Variants in DNAH14 observed in about 807,000 individuals in gnomAD.
DNAH14 encodes the protein dynein axonemal heavy chain 14, also known as axonemal beta dynein heavy chain 14.
Under a neutral mutation model 520.9 loss-of-function variants are expected in DNAH14, and 478 were observed. The observed-to-expected ratio is 0.92, with a 90% CI of 0.85 to 0.99. The LOEUF (loss-of-function observed/expected upper bound fraction) is 0.99, where lower values mean the gene tolerates loss of function less well. Among genes scored for constraint, DNAH14 ranks in the 50% least tolerant of loss-of-function variants. DNAH14 has a pLI of 0.00. For missense variants in DNAH14, 4,831 were observed against 5,234.5 expected (o/e 0.92, Z 2.38); for synonymous variants, 1,581 against 1,757.2 (o/e 0.90, Z 2.51).
chr1:225,171,735 A>G (rs912186438), intron 36 of DNAH14, among the ~76,000 whole-genome samples: 2 of 152,200 alleles, frequency 1.3e-5, no homozygotes, highest in African/African-American at 4.8e-5. Context: ...ATTCCAATCA[A>G]TAGAAAAAGA....
In DNAH14 at chr1:225,050,216, T is replaced by C; in HGVS notation, c.1919T>C (p.Ile640Thr). The stretch of plus-strand genomic sequence containing the variant: ...TTTAAATTATATATTTTAGCCACAA[T>C]TACTCCTCTTTGCCAAGATCCCCAG... Reference protein sequence around the residue: ...LTNMEKCITTITPLCQDPQLS... With the variant: ...LTNMEKCITTTTPLCQDPQLS... The change falls in exon 16 of 86, where the codon ATT becomes ACT. Residue 640 changes from isoleucine (I) to threonine (T), a missense_variant. Physicochemically the swap from Ile to Thr is moderately conservative, Grantham distance 89. Transcript: ENST00000682510. 1 of 1,534,398 alleles carries C rather than the reference T, an allele frequency of 6.5e-7. No homozygotes were observed. Among genetic ancestry groups the C allele is most frequent in the Non-Finnish European group, 8.8e-7 (1 of 1,142,846 alleles).
At position 225,080,696 on chromosome 1, in the gene DNAH14, A is replaced by G. The variant is rs1373779437; in HGVS notation, c.3084A>G (p.Ser1028=). The G allele has an allele frequency of 1.1e-5, 17 of 1,542,064 alleles. No homozygotes were observed. Among genetic ancestry groups the G allele is most frequent in the Non-Finnish European group, 1.5e-5 (17 of 1,143,434 alleles). ...CTCTTCAAAGTATTGATGTAGAATC[A>G]GTACAGAGAAATGTTTCAAAACTGA... ...NSSLQSIDVE[S]VQRNVSKLMH... The change falls in exon 19 of 86, where the codon TCA becomes TCG. Residue 1028 remains serine, a synonymous_variant. Transcript: ENST00000682510.
chr1:224,991,670 T>G (rs1189966638), intron 8 of DNAH14, among the ~76,000 whole-genome samples: 1 of 152,144 alleles, frequency 6.6e-6, no homozygotes, highest in Non-Finnish European at 1.5e-5. Flanking sequence ...CCTTTTTTTC[T>G]TTTCAGTAGA....
At chr1:224,938,392 C>T (rs928106321) in intron 1 of DNAH14, among the ~76,000 whole-genome samples, 2 of 152,156 alleles carry the variant, frequency 1.3e-5, no homozygotes, top group Non-Finnish European at 2.9e-5. Flanking sequence ...TATGAACAGA[C>T]ATTTCTCAAA....
chr1:225,079,597 CT>C, intron 18 of DNAH14, 49 bp downstream of exon 18: 1 of 1,390,644 alleles, frequency 7.2e-7, no homozygotes. Context: ...AAAACTTGAT[CT>C]TAGTCTCGTA....
intron 36 of DNAH14, among the ~76,000 whole-genome samples, chr1:225,176,582 C>T (rs1654438926): frequency 8.1e-6 from 1 of 123,762 alleles, no homozygotes; most frequent in Non-Finnish European, 1.7e-5. Context: ...GCTGTGTCCC[C>T]ACCCAAATCT....
At chr1:225,086,430 G>T (rs575091327) in intron 21 of DNAH14, among the ~76,000 whole-genome samples, 1 of 152,024 alleles carries the variant, frequency 6.6e-6, no homozygotes, top group Admixed American at 6.6e-5. Flanking sequence ...CACCGTGCCC[G>T]ACCCCTAATA....
intron 23 of DNAH14, among the ~76,000 whole-genome samples, chr1:225,102,717 G>A (rs551672565): frequency 1.1e-4 from 16 of 152,204 alleles, no homozygotes; most frequent in Admixed American, 3.9e-4. Context: ...CATATCCTTC[G>A]CCCACTTTTT....
At chr1:224,957,614 G>A (rs1256128575) in intron 3 of DNAH14, among the ~76,000 whole-genome samples, 3 of 152,104 alleles carry the variant, frequency 2.0e-5, no homozygotes, top group Non-Finnish European at 4.4e-5. Context: ...GAAAGACAGA[G>A]TGTGAGGTGT....
intron 54 of DNAH14, among the ~76,000 whole-genome samples, chr1:225,278,212 T>G (rs559771976): frequency 7.9e-5 from 12 of 152,102 alleles, no homozygotes; most frequent in Admixed American, 5.2e-4. Context: ...GAAAAAAATA[T>G]GAAGCAAATC....
chr1:225,238,919 C>T (rs540773281), intron 42 of DNAH14, among the ~76,000 whole-genome samples: 1 of 152,310 alleles, frequency 6.6e-6, no homozygotes, highest in African/African-American at 2.4e-5. Flanking sequence ...AGCAGCTGTA[C>T]TGTGTTGTGG....
At chr1:224,957,645 A>C (rs2060596846) in intron 3 of DNAH14, among the ~76,000 whole-genome samples, 1 of 152,146 alleles carries the variant, frequency 6.6e-6, no homozygotes, top group South Asian at 2.1e-4. Flanking sequence ...ACCCAAAGGA[A>C]ACAACTGTAT....
chr1:225,395,280 A>G (rs971298138), intron 84 of DNAH14, among the ~76,000 whole-genome samples: 1 of 152,134 alleles, frequency 6.6e-6, no homozygotes, highest in East Asian at 1.9e-4. Flanking sequence ...TTTTTGTATC[A>G]ATATTTTATT....
chr1:225,387,873 T>C (rs76348346), intron 81 of DNAH14, among the ~76,000 whole-genome samples: 5,023 of 152,110 alleles, frequency 0.033, 121 homozygotes, highest in South Asian at 0.052. Flanking sequence ...GGGTGGTTTG[T>C]GCAGTTAAGA....
At chr1:225,057,496 T>G (rs1173981144) in intron 17 of DNAH14, among the ~76,000 whole-genome samples, 3 of 152,210 alleles carry the variant, frequency 2.0e-5, no homozygotes, top group Non-Finnish European at 4.4e-5. Flanking sequence ...TGACTTCCTC[T>G]TTTCCTCATT....
chr1:224,983,210 C>CTCTT (rs35379953), intron 8 of DNAH14, among the ~76,000 whole-genome samples: 30,875 of 151,994 alleles, frequency 0.2, 4,075 homozygotes, highest in African/African-American at 0.37. Flanking sequence ...TATAATGTCT[C>CTCTT]TGTCTCTTTT....
In DNAH14 at chr1:225,284,189, G is replaced by A. The variant is rs989772837; in HGVS notation, c.8272-5696G>A. Among the ~76,000 whole-genome samples, 5 of 151,674 alleles carry A rather than the reference G, an allele frequency of 3.3e-5. No individual in the cohort carries two copies. The East Asian group carries it at 7.7e-4, about 23-fold the overall frequency. ...AAGTAGAGAATATAAAACCAGTAGG[G>A]AATACCAATAAAACCAAAAGTTGGT... On this transcript the variant is annotated intron_variant, in intron 54 of 85. Transcript: ENST00000682510.
At chr1:225,354,436 G>A (rs997677287) in intron 73 of DNAH14, among the ~76,000 whole-genome samples, 15 of 152,100 alleles carry the variant, frequency 9.9e-5, no homozygotes, top group Non-Finnish European at 1.9e-4. Context: ...GAGGTTGGTG[G>A]ATTATGGGTA....
chr1:225,397,705 T>G (rs1302302214), intron 84 of DNAH14: 1 of 152,200 alleles, frequency 6.6e-6, no homozygotes, highest in Non-Finnish European at 1.5e-5. Context: ...TACTTAACCC[T>G]TTATCATTAA....
Sources: allele counts gnomAD v4.1 joint callset (sites outside exome capture counted in the v4.1 genomes callset), GRCh38; gene constraint gnomAD v4.1.1; transcripts MANE v1.5; gene names NCBI Gene and HGNC (gene_info 2026-07-23, HGNC 2026-07-21).